The following SHISA9 variants were observed in gnomAD, a reference collection of about 807,000 sequenced individuals.
SHISA9 encodes the protein shisa family member 9.
A neutral mutation model predicts 38.0 loss-of-function variants in SHISA9; 13 were observed. The observed-to-expected ratio is 0.34, with a 90% CI of 0.22 to 0.54. The LOEUF (loss-of-function observed/expected upper bound fraction) is 0.54. Ranked by LOEUF, SHISA9 falls within the 20% of genes least tolerant of loss-of-function variation. The probability of loss-of-function intolerance (pLI) is 0.91; values close to 1 mark genes in which losing one functional copy is unlikely to be tolerated. For missense variants in SHISA9, 538 were observed against 575.8 expected, an observed-to-expected ratio of 0.93 and a Z score of 0.67; for synonymous variants, 275 against 242.0, an observed-to-expected ratio of 1.14 and a Z score of -1.27.
At chr16:13,482,331 C>T in the SHISA9 span, among the ~76,000 whole-genome samples, 1 of 152,262 alleles carries the variant, frequency 6.6e-6, no homozygotes, top group Non-Finnish European at 1.5e-5. Flanking sequence ...GTAACCACCT[C>T]TTCCTCTTGC....
chr16:12,984,871 T>C (rs1302864039), intron 2 of SHISA9, among the ~76,000 whole-genome samples: 2 of 152,122 alleles, frequency 1.3e-5, no homozygotes, highest in Non-Finnish European at 2.9e-5. Context: ...GCCTAAAGGG[T>C]GCAGGCATAG....
the SHISA9 span, among the ~76,000 whole-genome samples, chr16:13,467,370 C>T: frequency 6.6e-6 from 1 of 152,210 alleles, no homozygotes. Flanking sequence ...ACATCAGACT[C>T]TAGGTTCTTC....
At chr16:13,141,998 T>G (rs2050406024) in intron 2 of SHISA9, among the ~76,000 whole-genome samples, 1 of 151,674 alleles carries the variant, frequency 6.6e-6, no homozygotes, top group African/African-American at 2.4e-5. Flanking sequence ...AAGCAGGAAA[T>G]TAACTCAGAT....
At chr16:13,110,384 G>A (rs560659494) in intron 2 of SHISA9, among the ~76,000 whole-genome samples, 6 of 152,184 alleles carry the variant, frequency 3.9e-5, no homozygotes, top group African/African-American at 1.2e-4. Context: ...CAGCTGCGAT[G>A]TTTCCGTGCT....
the SHISA9 span, among the ~76,000 whole-genome samples, chr16:13,537,177 T>C: frequency 0.43 from 64,703 of 151,964 alleles, 14,271 homozygotes; most frequent in East Asian, 0.63. Context: ...CCTGTAATCC[T>C]AGCACTTTGG....
Position 13,178,784 on chromosome 16 carries a change from C to T in SHISA9, c.692-24610C>T, listed in dbSNP as rs528103089. 1.0e-3 allele frequency among the ~76,000 whole-genome samples: 158 copies of T among 152,254 alleles called. 1 individual carries two copies. Among genetic ancestry groups the T allele is most frequent in the South Asian group, 2.7e-3 (13 of 4,816 alleles). On this transcript the variant is annotated intron_variant, in intron 2 of 4. Coordinates refer to ENST00000558583, the MANE Select transcript of SHISA9 (RefSeq NM_001145204.3). ...AGAAGATGATGGGGAGGTGTCTGGA[C>T]ATACATTAATTAGCCAGCTTGGTCT...
chr16:13,562,139 T>C, the SHISA9 span, among the ~76,000 whole-genome samples: 2 of 152,180 alleles, frequency 1.3e-5, no homozygotes, highest in African/African-American at 2.4e-5. Flanking sequence ...CCTTTTTCCT[T>C]CCAGCACCTA....
the SHISA9 span, among the ~76,000 whole-genome samples, chr16:13,459,292 A>C: frequency 2.0e-5 from 3 of 152,082 alleles, no homozygotes; most frequent in Non-Finnish European, 4.4e-5. Flanking sequence ...ATTTTGACAA[A>C]AACTTTATAA....
At chr16:13,295,627 G>C in the SHISA9 span, among the ~76,000 whole-genome samples, 1 of 152,122 alleles carries the variant, frequency 6.6e-6, no homozygotes, top group Non-Finnish European at 1.5e-5. Flanking sequence ...TTTCACCTCG[G>C]GGGGTTCAAT....
chr16:13,506,021 A>G, the SHISA9 span, among the ~76,000 whole-genome samples: 16 of 152,234 alleles, frequency 1.1e-4, no homozygotes, highest in Non-Finnish European at 2.1e-4. Flanking sequence ...GGTCCCTCTC[A>G]GAGACACAAA....
chr16:13,168,456 T>A (rs1189672639), intron 2 of SHISA9, among the ~76,000 whole-genome samples: 3 of 152,178 alleles, frequency 2.0e-5, no homozygotes, highest in African/African-American at 7.2e-5. Context: ...CTACCCTTAC[T>A]CCATTGGCCA....
At chr16:13,444,786 C>A in the SHISA9 span, among the ~76,000 whole-genome samples, 9 of 144,646 alleles carry the variant, frequency 6.2e-5, no homozygotes, top group African/African-American at 2.5e-4. Context: ...TTCTTCCCTC[C>A]CTCTTCCCTC....
the SHISA9 span, among the ~76,000 whole-genome samples, chr16:13,445,975 A>T: frequency 4.0e-5 from 6 of 151,694 alleles, no homozygotes; most frequent in African/African-American, 1.5e-4. Flanking sequence ...ACAGAGTCTC[A>T]CTCTGTTGCT....
At chr16:13,189,782 A>G (rs2050865024) in intron 2 of SHISA9, among the ~76,000 whole-genome samples, 1 of 152,232 alleles carries the variant, frequency 6.6e-6, no homozygotes, top group Non-Finnish European at 1.5e-5. Flanking sequence ...ATGACAATTT[A>G]TCCTAACGAG....
intron 2 of SHISA9, among the ~76,000 whole-genome samples, chr16:13,052,505 C>T (rs754565639): frequency 4.6e-5 from 7 of 152,150 alleles, no homozygotes; most frequent in Non-Finnish European, 8.8e-5. Context: ...ATGAATCAAC[C>T]ATGAATCTCA....
At chr16:13,050,327 T>C (rs993446136) in intron 2 of SHISA9, among the ~76,000 whole-genome samples, 1 of 152,012 alleles carries the variant, frequency 6.6e-6, no homozygotes, top group African/African-American at 2.4e-5. Context: ...TTTATATATA[T>C]ACATTTTAAA....
At chr16:13,301,537 T>A in the SHISA9 span, among the ~76,000 whole-genome samples, 1 of 152,244 alleles carries the variant, frequency 6.6e-6, no homozygotes. Context: ...TGAAGATTTT[T>A]AAACTTCTAA....
rs1343388434 is a variant in SHISA9 at position 13,130,639 on chromosome 16, A to G, written c.692-72755A>G. On this transcript the variant is annotated intron_variant, in intron 2 of 4. Transcript: ENST00000558583. The stretch of plus-strand genomic sequence containing the variant: ...TTTTTATTTTCATAGGTTTAAAAAA[A>G]TCTTCTGCAATGAAATACATCTACA... Among the ~76,000 whole-genome samples the G allele has an allele frequency of 2.6e-5, 4 of 151,828 alleles. No homozygotes were observed. In the South Asian group the frequency reaches 8.4e-4, roughly 32 times the overall value.
chr16:13,532,965 G>T, the SHISA9 span, among the ~76,000 whole-genome samples: 3 of 151,832 alleles, frequency 2.0e-5, no homozygotes, highest in South Asian at 6.2e-4. Flanking sequence ...CTGGTTTTCT[G>T]CCCCACCTCA....
Sources: gnomAD v4.1 joint callset for allele counts (sites outside exome capture counted in the v4.1 genomes callset) on GRCh38, gnomAD v4.1.1 for gene constraint, MANE v1.5 for transcripts, NCBI Gene and HGNC (gene_info 2026-07-23, HGNC 2026-07-21) for gene names.